The following UBE3D variants were observed in gnomAD, a reference collection of about 807,000 sequenced individuals.
UBE3D encodes the protein ubiquitin protein ligase E3D, also known as E3 ubiquitin-protein ligase E3D.
In UBE3D, 48 loss-of-function variants were observed where a neutral mutation model predicts 49.6. That is an observed-to-expected ratio of 0.97 (90% CI 0.77 to 1.23). UBE3D has a LOEUF of 1.23. Among genes scored for constraint, UBE3D ranks in the 50% most tolerant of loss-of-function variants. The probability of loss-of-function intolerance (pLI) is 0.00; values close to 1 mark genes in which losing one functional copy is unlikely to be tolerated. For missense variants in UBE3D, 452 were observed against 468.4 expected (o/e 0.96, Z 0.32); for synonymous variants, 189 against 174.2 (o/e 1.08, Z -0.67).
At chr6:83,026,111 C>T (rs114814649) in intron 5 of UBE3D, among the ~76,000 whole-genome samples, 2,212 of 151,922 alleles carry the variant, frequency 0.015, 50 homozygotes, top group African/African-American at 0.051. Flanking sequence ...TTAAATAGGT[C>T]AAATTCAAAC....
chr6:83,023,486 G>A (rs1283187175), intron 6 of UBE3D, among the ~76,000 whole-genome samples: 3 of 152,130 alleles, frequency 2.0e-5, no homozygotes, highest in African/African-American at 7.2e-5. Context: ...ATTCCCATAT[G>A]ATCAATTGTA....
chr6:83,027,615 G>A (rs998602527), intron 5 of UBE3D, among the ~76,000 whole-genome samples: 6 of 152,114 alleles, frequency 3.9e-5, no homozygotes, highest in Admixed American at 2.0e-4. Context: ...TTGTTCTACC[G>A]TCTTCAGACT....
intron 9 of UBE3D, among the ~76,000 whole-genome samples, chr6:82,914,519 A>C (rs1052363593): frequency 6.6e-6 from 1 of 152,118 alleles, no homozygotes; most frequent in South Asian, 2.1e-4. Flanking sequence ...TGGCTGGAAA[A>C]GTGGACTCTA....
intron 8 of UBE3D, among the ~76,000 whole-genome samples, chr6:82,982,130 T>A (rs992602221): frequency 2.6e-5 from 4 of 152,148 alleles, no homozygotes; most frequent in Non-Finnish European, 4.4e-5. Flanking sequence ...ACTGTCCTCA[T>A]CACCCAGCTT....
At chr6:82,975,868 T>C (rs1270819047) in intron 8 of UBE3D, among the ~76,000 whole-genome samples, 1 of 152,196 alleles carries the variant, frequency 6.6e-6, no homozygotes. Flanking sequence ...TAGAGGTTGC[T>C]ATTAATAGAA....
intron 1 of UBE3D, among the ~76,000 whole-genome samples, chr6:83,064,213 CT>C (rs879807388): frequency 3.3e-5 from 5 of 151,514 alleles, no homozygotes; most frequent in Admixed American, 6.6e-5. Flanking sequence ...AGTTAGGTTT[CT>C]TTTTTTTTCT....
At chr6:83,024,922 T>A (rs1378026391) in intron 5 of UBE3D, among the ~76,000 whole-genome samples, 1 of 152,188 alleles carries the variant, frequency 6.6e-6, no homozygotes, top group East Asian at 1.9e-4. Context: ...CTACAAAGGC[T>A]CAAGTGTGAG....
downstream of UBE3D, among the ~76,000 whole-genome samples, chr6:82,889,205 C>T (rs879933901): frequency 1.1e-4 from 17 of 152,116 alleles, no homozygotes; most frequent in South Asian, 4.1e-4. Flanking sequence ...TGAATAACAA[C>T]GAAATGTGGA....
chr6:82,992,152 C>CTAAGGTAA (rs1255503264), intron 8 of UBE3D, among the ~76,000 whole-genome samples: 1 of 150,596 alleles, frequency 6.6e-6, no homozygotes, highest in African/African-American at 2.4e-5. Context: ...GGTCATGTCT[C>CTAAGGTAA]TAAGGTAAAG....
chr6:83,031,458 C>CTGGA (rs1781865421), intron 5 of UBE3D, among the ~76,000 whole-genome samples: 1 of 152,168 alleles, frequency 6.6e-6, no homozygotes, highest in African/African-American at 2.4e-5. Flanking sequence ...TCAGCGTGAC[C>CTGGA]TGGATGTGAA....
At chr6:82,986,363 C>T (rs577088864) in intron 8 of UBE3D, among the ~76,000 whole-genome samples, 33 of 148,002 alleles carry the variant, frequency 2.2e-4, no homozygotes, top group Admixed American at 5.5e-4. Flanking sequence ...CCGACCTACT[C>T]GGGAGGCTGA....
At chr6:82,900,181 C>G (rs1174142048) in intron 9 of UBE3D, among the ~76,000 whole-genome samples, 1 of 152,214 alleles carries the variant, frequency 6.6e-6, no homozygotes, top group Admixed American at 6.5e-5. Flanking sequence ...CGACATGCCT[C>G]TGACCAAACA....
At chr6:82,977,716 T>C (rs1005980106) in intron 8 of UBE3D, among the ~76,000 whole-genome samples, 4 of 152,072 alleles carry the variant, frequency 2.6e-5, no homozygotes, top group Non-Finnish European at 4.4e-5. Context: ...TGGGCGCTTG[T>C]AATCCCAGCT....
intron 8 of UBE3D, among the ~76,000 whole-genome samples, chr6:83,014,577 T>G (rs1363375279): frequency 6.6e-6 from 1 of 152,204 alleles, no homozygotes; most frequent in East Asian, 1.9e-4. Flanking sequence ...CTATTTTAAC[T>G]TGAGGACCAC....
chr6:82,949,390 A>G lies in UBE3D; in HGVS notation c.1149+7922T>C, dbSNP rs1284246168. 2.0e-5 allele frequency among the ~76,000 whole-genome samples: 3 copies of G among 152,138 alleles called. 1 individual carries two copies. Among genetic ancestry groups the G allele is most frequent in the Admixed American group, 2.0e-4 (3 of 15,262 alleles). ...AGAAGACACAAAAAAATGGAAAGATATTTCATGTTCATGGACTGGAAGAAT... is the reference window on the plus strand; with the variant it reads ...AGAAGACACAAAAAAATGGAAAGATGTTTCATGTTCATGGACTGGAAGAAT... On this transcript the variant is annotated intron_variant, in intron 9 of 9. Transcript: ENST00000369747.
intron 9 of UBE3D, among the ~76,000 whole-genome samples, chr6:82,932,089 T>G (rs1322207154): frequency 6.6e-6 from 1 of 152,166 alleles, no homozygotes; most frequent in African/African-American, 2.4e-5. Flanking sequence ...TGACATGTGT[T>G]CACTTCCCCT....
intron 7 of UBE3D, among the ~76,000 whole-genome samples, chr6:83,020,167 A>G (rs1360247747): frequency 6.6e-6 from 1 of 152,216 alleles, no homozygotes; most frequent in East Asian, 1.9e-4. Context: ...ATTTCTAAAG[A>G]AGTACTAAAA....
At chr6:82,986,565 A>G (rs2127726051) in intron 8 of UBE3D, among the ~76,000 whole-genome samples, 1 of 149,194 alleles carries the variant, frequency 6.7e-6, no homozygotes, top group Admixed American at 6.7e-5. Context: ...CCTCTAGTTA[A>G]GTTTCAGCAT....
intron 9 of UBE3D, among the ~76,000 whole-genome samples, chr6:82,899,171 C>T (rs1981129): frequency 0.17 from 25,271 of 152,068 alleles, 2,278 homozygotes; most frequent in Admixed American, 0.29. Flanking sequence ...ACACTTGATC[C>T]CCCTAGGATG....
Sources: gnomAD v4.1 joint callset for allele counts (sites outside exome capture counted in the v4.1 genomes callset) on GRCh38, gnomAD v4.1.1 for gene constraint, MANE v1.5 for transcripts, NCBI Gene and HGNC (gene_info 2026-07-23, HGNC 2026-07-21) for gene names.